The following GABBR2 variants were observed in gnomAD, a reference collection of about 807,000 sequenced individuals.
GABBR2 encodes G-protein coupled receptor 51.
Under a neutral mutation model 105.6 loss-of-function variants are expected in GABBR2, and 23 were observed. That is an observed-to-expected ratio of 0.22 (90% CI 0.16 to 0.31). GABBR2 has a LOEUF of 0.31. GABBR2 is among the 10% of genes least tolerant of loss of function. GABBR2 has a pLI of 1.00. For synonymous variants in GABBR2, 478 were observed against 499.7 expected, an observed-to-expected ratio of 0.96 and a Z score of 0.58; for missense variants, 734 against 1,245.5, an observed-to-expected ratio of 0.59 and a Z score of 6.18.
Position 98,708,631 on chromosome 9 carries a change from G to C in GABBR2, c.107C>G (p.Ala36Gly). Residue 36 changes from alanine (A) to glycine (G), a missense_variant, in exon 1 of 19, where the codon GCG becomes GGG. This residue lies in a region of GABBR2 where 70 missense variants were observed against 73.4 expected (regional missense o/e 0.95). Coordinates refer to ENST00000259455, the MANE Select transcript of GABBR2 (RefSeq NM_005458.8). The stretch of plus-strand genomic sequence containing the variant: ...CCGCGCCCAGCCCCAGGCCCCGGGC[G>C]CCAGAGGCAGCAGCAGCGGCAGCAG... ...LLLLPLLLPL[A>G]PGAWGWARGA... The C allele has an allele frequency of 7.9e-7, 1 of 1,267,864 alleles. No individual in the cohort carries two copies. The highest frequency in any genetic ancestry group is 9.9e-7 in the Non-Finnish European group (1 of 1,011,014). The allele number at this position is 1,267,864 out of a possible 1,614,324, so 78.5% of individuals were successfully genotyped here. A position where few individuals can be genotyped will look rare whatever the true frequency, so the allele number is the denominator to read the frequency against.
intron 18 of GABBR2, among the ~76,000 whole-genome samples, chr9:98,293,263 G>A (rs1830329156): frequency 1.3e-5 from 2 of 152,080 alleles, no homozygotes; most frequent in Admixed American, 1.3e-4. Context: ...TATTTAAAAT[G>A]ACACTCCCTG....
chr9:98,621,822 T>C (rs1829674032), intron 1 of GABBR2, among the ~76,000 whole-genome samples: 1 of 152,174 alleles, frequency 6.6e-6, no homozygotes, highest in Non-Finnish European at 1.5e-5. Flanking sequence ...CCTACAGATA[T>C]CCGGTGCTGA....
chr9:98,424,585 AT>A (rs1832841263), intron 7 of GABBR2, among the ~76,000 whole-genome samples: 1 of 151,678 alleles, frequency 6.6e-6, no homozygotes, highest in Admixed American at 6.6e-5. Context: ...AGAAAACCCC[AT>A]TGTCTCAGCC....
At chr9:98,669,492 T>C (rs1164439956) in intron 1 of GABBR2, among the ~76,000 whole-genome samples, 2 of 152,220 alleles carry the variant, frequency 1.3e-5, no homozygotes, top group African/African-American at 4.8e-5. Context: ...TTTCACATTC[T>C]AATTTATTAT....
At chr9:98,408,583 T>C (rs1832529578) in intron 7 of GABBR2, among the ~76,000 whole-genome samples, 1 of 152,190 alleles carries the variant, frequency 6.6e-6, no homozygotes, top group Non-Finnish European at 1.5e-5. Context: ...GTCCCCCTTA[T>C]TAAAAGGTGG....
chr9:98,326,201 AT>A (rs1830919681), intron 13 of GABBR2, among the ~76,000 whole-genome samples: 1 of 152,174 alleles, frequency 6.6e-6, no homozygotes, highest in African/African-American at 2.4e-5. Context: ...GAAGTTGTAC[AT>A]TTTTTTCTAT....
At chr9:98,678,655 G>A (rs1425883195) in intron 1 of GABBR2, among the ~76,000 whole-genome samples, 2 of 152,120 alleles carry the variant, frequency 1.3e-5, no homozygotes, top group African/African-American at 2.4e-5. Flanking sequence ...CTCCTAATTA[G>A]TGCATACGGG....
intron 8 of GABBR2, among the ~76,000 whole-genome samples, chr9:98,402,013 G>A (rs928798301): frequency 1.3e-5 from 2 of 152,144 alleles, no homozygotes; most frequent in African/African-American, 4.8e-5. Flanking sequence ...CACTAGGTAC[G>A]TTCTGAATGA....
At chr9:98,557,746 T>C (rs918848922) in intron 2 of GABBR2, among the ~76,000 whole-genome samples, 11 of 152,230 alleles carry the variant, frequency 7.2e-5, no homozygotes, top group African/African-American at 2.7e-4. Flanking sequence ...TTAATTTGCT[T>C]TTATACTACC....
At chr9:98,618,486 A>ATC (rs10611275) in intron 1 of GABBR2, among the ~76,000 whole-genome samples, 9,542 of 144,958 alleles carry the variant, frequency 0.066, 413 homozygotes, top group African/African-American at 0.12. Flanking sequence ...GGTCTGCTGC[A>ATC]TCTCTCTCTC....
chr9:98,663,391 T>A (rs1830292978), intron 1 of GABBR2, among the ~76,000 whole-genome samples: 1 of 152,000 alleles, frequency 6.6e-6, no homozygotes, highest in South Asian at 2.1e-4. Context: ...CTGATAGCAA[T>A]CGGCATGATA....
chr9:98,529,662 G>T (rs1272545403), intron 3 of GABBR2, among the ~76,000 whole-genome samples: 6 of 152,062 alleles, frequency 3.9e-5, no homozygotes, highest in African/African-American at 4.8e-5. Flanking sequence ...CCACAAAAAA[G>T]AACTTGACAT....
At chr9:98,377,658 C>A (rs1474697023) in intron 11 of GABBR2, among the ~76,000 whole-genome samples, 2 of 152,182 alleles carry the variant, frequency 1.3e-5, no homozygotes, top group African/African-American at 4.8e-5. Flanking sequence ...TGAGCAGAGC[C>A]AGGGGTTGGA....
At chr9:98,684,897 A>G (rs1830601607) in intron 1 of GABBR2, among the ~76,000 whole-genome samples, 2 of 152,302 alleles carry the variant, frequency 1.3e-5, no homozygotes, top group South Asian at 4.1e-4. Context: ...ACCTCCTCCC[A>G]AAACTGCCCT....
intron 1 of GABBR2, among the ~76,000 whole-genome samples, chr9:98,651,269 G>A (rs1374371984): frequency 1.3e-5 from 2 of 150,964 alleles, no homozygotes; most frequent in African/African-American, 2.4e-5. Context: ...TCAGCCTCTT[G>A]AGTAGCTGGG....
chr9:98,494,008 G>C (rs1827227160), intron 4 of GABBR2, among the ~76,000 whole-genome samples: 1 of 152,162 alleles, frequency 6.6e-6, no homozygotes, highest in South Asian at 2.1e-4. Context: ...GAATAGGGGA[G>C]GCTCTTATCT....
intron 1 of GABBR2, among the ~76,000 whole-genome samples, chr9:98,650,461 T>A (rs1830089575): frequency 6.6e-6 from 1 of 152,136 alleles, no homozygotes; most frequent in African/African-American, 2.4e-5. Context: ...TCAAAATACC[T>A]TTGCCAGCCC....
chr9:98,567,458 T>C (rs954138569), intron 2 of GABBR2, among the ~76,000 whole-genome samples: 1 of 152,072 alleles, frequency 6.6e-6, no homozygotes, highest in African/African-American at 2.4e-5. Flanking sequence ...TCGCCTCTCC[T>C]GTAAGTTCTC....
intron 7 of GABBR2, among the ~76,000 whole-genome samples, chr9:98,448,400 C>G (rs1826172826): frequency 6.6e-6 from 1 of 152,188 alleles, no homozygotes; most frequent in African/African-American, 2.4e-5. Flanking sequence ...GGGTTCAATT[C>G]TCATAAGGTA....
Sources: allele counts gnomAD v4.1 joint callset (sites outside exome capture counted in the v4.1 genomes callset), GRCh38; gene constraint gnomAD v4.1.1; regional missense constraint gnomAD v4.1.1; transcripts MANE v1.5; gene names NCBI Gene and HGNC (gene_info 2026-07-23, HGNC 2026-07-21).